Variants in GPR19 observed in about 807,000 individuals in gnomAD.
The protein encoded by GPR19 is probable G protein-coupled receptor 19.
GPR19 carries 14 observed loss-of-function variants against 28.5 expected under a neutral mutation model. The observed-to-expected ratio is 0.49, with a 90% CI of 0.32 to 0.77. The LOEUF (loss-of-function observed/expected upper bound fraction) is 0.77. Ranked by LOEUF, GPR19 falls within the 30% of genes least tolerant of loss-of-function variation. The pLI is 0.03. For synonymous variants in GPR19, 173 were observed against 184.1 expected (o/e 0.94, Z 0.49); for missense variants, 409 against 504.1 (o/e 0.81, Z 1.81).
the GPR19 span, among the ~76,000 whole-genome samples, chr12:12,701,935 A>G: frequency 6.6e-6 from 1 of 151,668 alleles, no homozygotes. Flanking sequence ...AAAAAAAAAA[A>G]AAAAAGAATG....
At chr12:12,716,992 G>A in the GPR19 span, 4 of 995,014 alleles carry the variant, frequency 4.0e-6, no homozygotes, top group Admixed American at 6.1e-5. Context: ...CCAGGTCCCG[G>A]CTTCCCGGGC....
At chr12:12,673,800 T>C (rs1194330265) in intron 3 of GPR19, among the ~76,000 whole-genome samples, 1 of 152,164 alleles carries the variant, frequency 6.6e-6, no homozygotes, top group Non-Finnish European at 1.5e-5. Context: ...TTTTAGTCTA[T>C]TGAAGGAAAA....
chr12:12,671,148 A>T (rs889202801), intron 3 of GPR19, among the ~76,000 whole-genome samples: 8 of 151,992 alleles, frequency 5.3e-5, no homozygotes, highest in Admixed American at 1.3e-4. Context: ...AAAATAAAAA[A>T]AAAAAAAATT....
At chr12:12,711,904 T>A in the GPR19 span, among the ~76,000 whole-genome samples, 1 of 152,232 alleles carries the variant, frequency 6.6e-6, no homozygotes, top group African/African-American at 2.4e-5. Flanking sequence ...ATTTCCTCTA[T>A]AGCATGACTT....
chr12:12,716,878 C>T, the GPR19 span: 3 of 984,480 alleles, frequency 3.0e-6, no homozygotes, highest in Non-Finnish European at 3.6e-6. Flanking sequence ...TCCGCGGCCT[C>T]CCCCGCAGAC....
At chr12:12,711,188 G>A in the GPR19 span, among the ~76,000 whole-genome samples, 2 of 151,866 alleles carry the variant, frequency 1.3e-5, no homozygotes, top group Non-Finnish European at 1.5e-5. Context: ...CAGCTACTCG[G>A]GAGGCTGAGG....
the GPR19 span, among the ~76,000 whole-genome samples, chr12:12,716,386 A>G: frequency 6.6e-6 from 1 of 152,116 alleles, no homozygotes; most frequent in East Asian, 1.9e-4. Flanking sequence ...GGAAGGAAGG[A>G]GCTGTTGTAT....
chr12:12,684,055 AT>A (rs1418687264), intron 3 of GPR19: 1 of 152,134 alleles, frequency 6.6e-6, no homozygotes, highest in African/African-American at 2.4e-5. Flanking sequence ...GGTTTCGGTA[AT>A]TTTTTCCCCT....
Position 12,661,875 on chromosome 12 carries a change from C to A in GPR19, c.574G>T (p.Ala192Ser), listed in dbSNP as rs747220255. ...AAGAGCACAGGGGTCACAAAGCCTG[C>A]ATCAAAGACCCACGATGCCGCAATC... is the stretch of plus-strand genomic sequence containing the variant. ...KMIAASWVFD[A>S]GFVTPVLFFY... The change falls in exon 4 of 4, where the codon GCA becomes TCA. Residue 192 changes from alanine (A) to serine (S), a missense_variant. Ala to Ser is a moderately conservative substitution (Grantham distance 99). Coordinates refer to ENST00000651487, the MANE Select transcript of GPR19 (RefSeq NM_006143.3). The surrounding 1 kb of genome is among the most constrained non-coding windows in gnomAD (Gnocchi z 4.2). 30 of 1,614,054 alleles carry A rather than the reference C, an allele frequency of 1.9e-5. No individual in the cohort carries two copies. Among genetic ancestry groups the A allele is most frequent in the African/African-American group, 1.5e-4 (11 of 74,912 alleles).
chr12:12,714,686 T>C, the GPR19 span, among the ~76,000 whole-genome samples: 2 of 152,072 alleles, frequency 1.3e-5, no homozygotes, highest in Non-Finnish European at 2.9e-5. Context: ...ATCTGAAAAT[T>C]TTCCCCCTGG....
chr12:12,688,178 AG>A (rs948290680), intron 2 of GPR19, among the ~76,000 whole-genome samples: 7 of 152,178 alleles, frequency 4.6e-5, no homozygotes, highest in South Asian at 2.1e-4. Flanking sequence ...AGAGAGTGGG[AG>A]GGGGGGTCAT....
intron 2 of GPR19, among the ~76,000 whole-genome samples, chr12:12,694,780 G>A (rs1035998690): frequency 6.6e-6 from 1 of 152,078 alleles, no homozygotes; most frequent in Admixed American, 6.5e-5. Flanking sequence ...ACATCATATC[G>A]AGATGTCATG....
At chr12:12,710,125 G>T in the GPR19 span, among the ~76,000 whole-genome samples, 1 of 152,178 alleles carries the variant, frequency 6.6e-6, no homozygotes, top group South Asian at 2.1e-4. Context: ...GCCGAGGTGG[G>T]TGGATCACCT....
chr12:12,706,102 C>G, the GPR19 span, among the ~76,000 whole-genome samples: 1 of 152,194 alleles, frequency 6.6e-6, no homozygotes, highest in Non-Finnish European at 1.5e-5. Context: ...ACACAGCATG[C>G]ATAACATGAC....
chr12:12,663,128 C>T (rs1279060316), intron 3 of GPR19, among the ~76,000 whole-genome samples: 1 of 152,122 alleles, frequency 6.6e-6, no homozygotes, highest in Non-Finnish European at 1.5e-5. Flanking sequence ...TTCTAAAAGA[C>T]GATACAGTTC....
the GPR19 span, among the ~76,000 whole-genome samples, chr12:12,706,241 G>A: frequency 1.3e-5 from 2 of 152,158 alleles, no homozygotes; most frequent in Admixed American, 1.3e-4. Context: ...TGACCTATCA[G>A]TGGCATTGGA....
chr12:12,687,166 A>G (rs950611782), intron 2 of GPR19, among the ~76,000 whole-genome samples: 14 of 152,206 alleles, frequency 9.2e-5, no homozygotes, highest in Admixed American at 7.9e-4. Flanking sequence ...TGCCTTGGAG[A>G]TAGTGTTTTG....
the GPR19 span, among the ~76,000 whole-genome samples, chr12:12,711,721 T>G: frequency 6.6e-6 from 1 of 152,138 alleles, no homozygotes; most frequent in Non-Finnish European, 1.5e-5. Flanking sequence ...GAGTTCAAGG[T>G]TATAGTCTCT....
chr12:12,716,775 G>C, the GPR19 span: 5 of 985,314 alleles, frequency 5.1e-6, no homozygotes, highest in Non-Finnish European at 4.8e-6. Context: ...AGAAACTTCT[G>C]GGTTAAGGCT....
Sources: gnomAD v4.1 joint callset for allele counts (sites outside exome capture counted in the v4.1 genomes callset) on GRCh38, gnomAD v4.1.1 for gene constraint, Gnocchi (gnomAD v3.1) non-coding constraint, MANE v1.5 for transcripts, NCBI Gene and HGNC (gene_info 2026-07-23, HGNC 2026-07-21) for gene names.